The following ANKRD30A variants were observed in gnomAD, a reference collection of about 807,000 sequenced individuals.
ANKRD30A encodes ankyrin repeat domain-containing protein 30A.
ANKRD30A carries 170 observed loss-of-function variants against 166.3 expected under a neutral mutation model. That is an observed-to-expected ratio of 1.02 (90% CI 0.90 to 1.16). The LOEUF (loss-of-function observed/expected upper bound fraction) is 1.16. ANKRD30A is among the 50% of genes most tolerant of loss of function. ANKRD30A has a pLI of 0.00. For synonymous variants in ANKRD30A, 564 were observed against 508.9 expected (o/e 1.11, Z -1.46); for missense variants, 1,630 against 1,518.0 (o/e 1.07, Z -1.23).
intron 27 of ANKRD30A, among the ~76,000 whole-genome samples, chr10:37,195,206 T>C (rs1840979550): frequency 6.6e-6 from 1 of 152,228 alleles, no homozygotes; most frequent in Admixed American, 6.5e-5. Context: ...GGCTCTTGTA[T>C]ATGAAATAAT....
chr10:37,239,996 T>C, the ANKRD30A span, among the ~76,000 whole-genome samples: 7 of 152,070 alleles, frequency 4.6e-5, no homozygotes, highest in African/African-American at 1.4e-4. Flanking sequence ...CATTGCAAAA[T>C]TTATTAATTC....
At chr10:37,204,687 C>CTACAAAATGGGAGAAAA (rs1841873738) in intron 31 of ANKRD30A, among the ~76,000 whole-genome samples, 1 of 150,666 alleles carries the variant, frequency 6.6e-6, no homozygotes, top group East Asian at 2.0e-4. Flanking sequence ...AACAGGCAAC[C>CTACAAAATGGGAGAAAA]TTTTTGCAAT....
At chr10:37,223,095 A>G (rs1258705576) in intron 34 of ANKRD30A, among the ~76,000 whole-genome samples, 3 of 151,428 alleles carry the variant, frequency 2.0e-5, no homozygotes, top group Admixed American at 6.6e-5. Context: ...GTCAATACTC[A>G]TATTTGTTCT....
At chr10:37,165,288 G>C in intron 18 of ANKRD30A, 133 bp downstream of exon 18, 1 of 826,594 alleles carries the variant, frequency 1.2e-6, no homozygotes, top group South Asian at 1.8e-5. Context: ...TTCAGTATAT[G>C]CTTAATGGAG....
In ANKRD30A at chr10:37,219,612, C is replaced by T. The variant is rs1157027178; in HGVS notation, c.3900C>T (p.His1300=). The T allele has an allele frequency of 4.3e-6, 7 of 1,610,168 alleles. No individual in the cohort carries two copies. Among genetic ancestry groups the T allele is most frequent in the Admixed American group, 1.7e-5 (1 of 59,606 alleles). Residue 1300 remains histidine (H), a synonymous_variant, in exon 34 of 36, where the codon CAC becomes CAT. Transcript: ENST00000361713. ...ETQCQMKEAE[H]MYQNEQDNVN... ...AGTGTCAAATGAAGGAAGCTGAACA[C>T]ATGTATCAAAACGAACAAGATAATG... is the stretch of plus-strand genomic sequence containing the variant.
the ANKRD30A span, among the ~76,000 whole-genome samples, chr10:37,253,077 CCAAT>C: frequency 6.6e-6 from 1 of 152,156 alleles, no homozygotes; most frequent in African/African-American, 2.4e-5. Flanking sequence ...AAATTTTTCA[CCAAT>C]CAAAGTTTTC....
chr10:37,167,088 A>C (rs1296667166), intron 19 of ANKRD30A, among the ~76,000 whole-genome samples: 1 of 151,994 alleles, frequency 6.6e-6, no homozygotes, highest in Admixed American at 6.6e-5. Context: ...GATGCAGGGG[A>C]CAAGAGAGAA....
chr10:37,147,311 G>T (rs184402683), intron 8 of ANKRD30A, 59 bp from the exon 9 acceptor site: 8 of 1,300,060 alleles, frequency 6.2e-6, no homozygotes, highest in Middle Eastern at 1.9e-4. Flanking sequence ...ATTTTAATTA[G>T]GAATTTTCAT....
chr10:37,222,780 T>C (rs982502869), intron 34 of ANKRD30A, among the ~76,000 whole-genome samples: 6 of 151,422 alleles, frequency 4.0e-5, no homozygotes, highest in African/African-American at 1.5e-4. Context: ...ATTGACCTTA[T>C]GCTTCAGGAT....
At position 37,231,653 on chromosome 10, in the gene ANKRD30A, TA is replaced by T; in HGVS notation, c.*186del. Reference sequence around the variant, plus strand: ...CTTCCTGAAGCCTACAGACATAAAATAACAGTGTGAAGAATTACTTGTTCAC... The same window carrying T: ...CTTCCTGAAGCCTACAGACATAAAATACAGTGTGAAGAATTACTTGTTCAC... On this transcript the variant is annotated 3_prime_UTR_variant, in exon 35 of 36. Transcript: ENST00000361713. The T allele has an allele frequency of 2.5e-6, 1 of 400,466 alleles. No homozygotes were observed. The highest frequency in any genetic ancestry group is 4.6e-6 in the Non-Finnish European group (1 of 219,624). The allele number at this position is 400,466 out of a possible 1,614,324, so 24.8% of individuals were successfully genotyped here. A position where few individuals can be genotyped will look rare whatever the true frequency, so the allele number is the denominator to read the frequency against.
rs1211128225 is a variant in ANKRD30A at position 37,142,287 on chromosome 10, A to G, written c.1390A>G (p.Asn464Asp). Reference protein sequence around the residue: ...TKESSTKASANDQRFPSESKQ... With the variant: ...TKESSTKASADDQRFPSESKQ... ...AGAATCATCTACAAAAGCAAGTGCC[A>G]ATGGTAAGATGCTAGAGCGAACTTT... Residue 464 changes from asparagine (N) to aspartate (D), a missense_variant, in exon 7 of 36, where the codon AAT becomes GAT. Asn to Asp is a conservative substitution (Grantham distance 23). This residue lies in a region of ANKRD30A where 904 missense variants were observed against 818.5 expected (regional missense o/e 1.10). Transcript: ENST00000361713. 6.3e-6 allele frequency: 10 copies of G among 1,589,072 alleles called. No homozygotes were observed. The highest frequency in any genetic ancestry group is 7.7e-6 in the Non-Finnish European group (9 of 1,172,754).
the ANKRD30A span, among the ~76,000 whole-genome samples, chr10:37,263,177 G>C: frequency 6.7e-6 from 1 of 150,220 alleles, no homozygotes; most frequent in Non-Finnish European, 1.5e-5. Context: ...TGACCTGCCT[G>C]ATATTTAAAT....
chr10:37,245,941 C>CTGCT, the ANKRD30A span, among the ~76,000 whole-genome samples: 1 of 152,158 alleles, frequency 6.6e-6, no homozygotes, highest in South Asian at 2.1e-4. Context: ...CTCAACATGG[C>CTGCT]TGCTTGCTTC....
intron 4 of ANKRD30A, among the ~76,000 whole-genome samples, chr10:37,133,359 G>A (rs117315210): frequency 0.06 from 9,164 of 152,118 alleles, 394 homozygotes; most frequent in Middle Eastern, 0.11. Context: ...CCTTGCAAAC[G>A]TTACTTAATA....
intron 32 of ANKRD30A, among the ~76,000 whole-genome samples, chr10:37,217,340 A>C (rs1842655906): frequency 6.6e-6 from 1 of 150,872 alleles, no homozygotes; most frequent in Admixed American, 6.6e-5. Flanking sequence ...TAATCAGTTA[A>C]CTCTAAATAA....
At chr10:37,144,656 G>A (rs1325548794) in intron 7 of ANKRD30A, among the ~76,000 whole-genome samples, 1 of 152,078 alleles carries the variant, frequency 6.6e-6, no homozygotes, top group Non-Finnish European at 1.5e-5. Flanking sequence ...AATGAGAGCT[G>A]ACAGGTAATT....
the ANKRD30A span, among the ~76,000 whole-genome samples, chr10:37,264,023 A>C: frequency 6.6e-6 from 1 of 152,226 alleles, no homozygotes; most frequent in Non-Finnish European, 1.5e-5. Context: ...GGAAAAATGA[A>C]CAACTCAGTA....
the ANKRD30A span, chr10:37,264,693 C>A: frequency 5.3e-6 from 1 of 188,940 alleles, no homozygotes; most frequent in Non-Finnish European, 1.1e-5. Context: ...CAATGTTTCT[C>A]CATGTGTAGG....
At chr10:37,183,187 T>G (rs1175157906) in intron 24 of ANKRD30A, among the ~76,000 whole-genome samples, 1 of 149,284 alleles carries the variant, frequency 6.7e-6, no homozygotes, top group Non-Finnish European at 1.5e-5. Flanking sequence ...ATACACGAAT[T>G]GGAAAAGTCC....
Sources: gnomAD v4.1 joint callset for allele counts (sites outside exome capture counted in the v4.1 genomes callset) on GRCh38, gnomAD v4.1.1 for gene constraint, gnomAD v4.1.1 regional missense constraint, MANE v1.5 for transcripts, NCBI Gene and HGNC (gene_info 2026-07-23, HGNC 2026-07-21) for gene names.